HERC3: variants seen among roughly 807,000 people sequenced by gnomAD.
HERC3 encodes the protein probable E3 ubiquitin-protein ligase HERC3.
Under a neutral mutation model 129.9 loss-of-function variants are expected in HERC3, and 58 were observed. That is an observed-to-expected ratio of 0.45 (90% CI 0.36 to 0.56). The LOEUF is 0.56. HERC3 is among the 20% of genes least tolerant of loss of function. The pLI is 0.00. For missense variants in HERC3, 835 were observed against 1,244.2 expected (o/e 0.67, Z 4.95); for synonymous variants, 430 against 451.0 (o/e 0.95, Z 0.59).
upstream of HERC3, among the ~76,000 whole-genome samples, chr4:88,591,573 G>C (rs1056877664): frequency 2.6e-5 from 4 of 152,142 alleles, no homozygotes; most frequent in African/African-American, 9.7e-5. Flanking sequence ...TACCGTGCCA[G>C]TGTTCTGCAT....
At chr4:88,530,323 A>C in the HERC3 span, among the ~76,000 whole-genome samples, 1 of 152,182 alleles carries the variant, frequency 6.6e-6, no homozygotes, top group Non-Finnish European at 1.5e-5. Context: ...CCCTATTTTC[A>C]AGATGTTTAT....
At chr4:88,588,339 C>T (rs1415668097), upstream of HERC3, among the ~76,000 whole-genome samples, 1 of 152,164 alleles carries the variant, frequency 6.6e-6, no homozygotes, top group Admixed American at 6.5e-5. Context: ...TAAGTTGTTT[C>T]ATATTAATAA....
intron 3 of HERC3, among the ~76,000 whole-genome samples, chr4:88,625,926 C>G (rs904835441): frequency 2.0e-5 from 3 of 151,784 alleles, no homozygotes; most frequent in Admixed American, 6.6e-5. Flanking sequence ...TATTTTCAGT[C>G]TGTTAAGATG....
At chr4:88,634,256 A>G (rs185192208) in intron 3 of HERC3, among the ~76,000 whole-genome samples, 1 of 152,322 alleles carries the variant, frequency 6.6e-6, no homozygotes, top group African/African-American at 2.4e-5. Context: ...AGCCCATGCT[A>G]CTGGGGCCTT....
At chr4:88,617,246 G>A (rs1444185077) in intron 3 of HERC3, among the ~76,000 whole-genome samples, 2 of 147,696 alleles carry the variant, frequency 1.4e-5, no homozygotes, top group Non-Finnish European at 3.0e-5. Context: ...CAGCATCTCA[G>A]CCTGTTGACT....
At chr4:88,551,083 T>C in the HERC3 span, among the ~76,000 whole-genome samples, 5 of 149,258 alleles carry the variant, frequency 3.3e-5, no homozygotes, top group Non-Finnish European at 7.5e-5. Context: ...GCTAGCCATA[T>C]GTAGAAAGCT....
chr4:88,589,432 T>C (rs1049839193), upstream of HERC3, among the ~76,000 whole-genome samples: 1 of 152,352 alleles, frequency 6.6e-6, no homozygotes, highest in East Asian at 1.9e-4. Context: ...ATAAAATTTA[T>C]ACAGGTTAGC....
chr4:88,579,232 A>AATATATATATATAT, the HERC3 span, among the ~76,000 whole-genome samples: 156 of 104,040 alleles, frequency 1.5e-3, 1 homozygote, highest in African/African-American at 9.2e-3. Context: ...AAAAAAAAAA[A>AATATATATATATAT]ATATATATAT....
chr4:88,571,368 T>C, the HERC3 span, among the ~76,000 whole-genome samples: 32 of 152,232 alleles, frequency 2.1e-4, no homozygotes, highest in African/African-American at 7.2e-4. Flanking sequence ...GTAAGTGGGA[T>C]GATATAAGTT....
At chr4:88,655,325 G>T (rs375684975) in intron 8 of HERC3, 21 bp downstream of exon 8, 1 of 1,611,910 alleles carries the variant, frequency 6.2e-7, no homozygotes, top group African/African-American at 1.3e-5. Flanking sequence ...CTCAAAGCTT[G>T]CTTGTATTCA....
chr4:88,596,010 C>T lies in HERC3; in HGVS notation c.-30+396C>T, dbSNP rs189019555. On this transcript the variant is annotated intron_variant, in intron 2 of 25. Transcript: ENST00000402738. Reference sequence around the variant, plus strand: ...GACTACAGGTGCCCACCACCTCGCCCAGCTAATTTTTTGTATTTTTAGTAG... The same window carrying T: ...GACTACAGGTGCCCACCACCTCGCCTAGCTAATTTTTTGTATTTTTAGTAG... 6.2e-3 allele frequency among the ~76,000 whole-genome samples: 937 copies of T among 152,096 alleles called. 10 individuals are homozygous for T. The highest frequency in any genetic ancestry group is 0.022 in the African/African-American group (905 of 41,492).
chr4:88,578,940 T>C, the HERC3 span, among the ~76,000 whole-genome samples: 3 of 152,090 alleles, frequency 2.0e-5, no homozygotes, highest in East Asian at 1.9e-4. Flanking sequence ...AGTAGAAACA[T>C]TGTGACTGGG....
chr4:88,668,114 A>G (rs763835272), intron 14 of HERC3, 33 bp downstream of exon 14: 14 of 1,552,436 alleles, frequency 9.0e-6, no homozygotes, highest in Non-Finnish European at 1.2e-5. Context: ...CAGTGGTTTT[A>G]TGGTCATTTG....
At position 88,653,035 on chromosome 4, in the gene HERC3, T is replaced by C. The variant is rs1224165669; in HGVS notation, c.630T>C (p.Ala210=). ...GCTTTGCCCTGTCTCTCTCAGGAGC[T>C]GTTTTTGGCTGGGGGATGAATAATG... ...AHSFALSLSG[A]VFGWGMNNAG... The change falls in exon 6 of 26, where the codon GCT becomes GCC. Residue 210 remains alanine, a synonymous_variant. Transcript: ENST00000402738. The C allele has an allele frequency of 6.2e-7, 1 of 1,614,222 alleles. No homozygotes were observed.
intron 23 of HERC3, among the ~76,000 whole-genome samples, chr4:88,691,156 GA>G (rs1388355459): frequency 2.0e-5 from 3 of 152,224 alleles, no homozygotes; most frequent in Non-Finnish European, 4.4e-5. Flanking sequence ...GTTTCAGACA[GA>G]AATTTTGATT....
Position 88,605,861 on chromosome 4 carries a change from G to A in HERC3, c.38G>A (p.Gly13Asp), listed in dbSNP as rs867671166. The change falls in exon 3 of 26, where the codon GGT becomes GAT. Residue 13 changes from glycine (G) to aspartate (D), a missense_variant. By Grantham distance (94) the Gly-to-Asp change is moderately conservative (BLOSUM62 -1). Transcript: ENST00000402738. ...CWGYWSLGQP[G>D]ISTNLQGIVA... is the part of the protein sequence containing the mutation. ...GGATATTGGTCTCTGGGCCAACCTG[G>A]TATCAGCACCAACCTGCAGGGAATT... 2 of 1,614,208 alleles carry A rather than the reference G, an allele frequency of 1.2e-6. No individual in the cohort carries two copies. The highest frequency in any genetic ancestry group is 1.7e-5 in the Admixed American group (1 of 60,022).
At chr4:88,524,081 T>C in the HERC3 span, 1 of 282,786 alleles carries the variant, frequency 3.5e-6, no homozygotes. Context: ...CCTACGTGGT[T>C]ACCTCCAAGT....
chr4:88,538,711 T>C, the HERC3 span, among the ~76,000 whole-genome samples: 5 of 151,950 alleles, frequency 3.3e-5, no homozygotes, highest in Admixed American at 3.3e-4. Flanking sequence ...GCCTAGCTAA[T>C]TTTTTGTATT....
the HERC3 span, among the ~76,000 whole-genome samples, chr4:88,556,823 TA>T: frequency 5.6e-5 from 8 of 143,424 alleles, no homozygotes; most frequent in South Asian, 2.2e-4. Context: ...TTTTTTTTTT[TA>T]AATAGTGTCA....
Sources: allele counts gnomAD v4.1 joint callset (sites outside exome capture counted in the v4.1 genomes callset), GRCh38; gene constraint gnomAD v4.1.1; transcripts MANE v1.5; gene names NCBI Gene and HGNC (gene_info 2026-07-23, HGNC 2026-07-21).